RORA: variants seen among roughly 807,000 people sequenced by gnomAD.
RORA encodes the protein RAR related orphan receptor A, also known as nuclear receptor ROR-alpha.
Under a neutral mutation model 69.5 loss-of-function variants are expected in RORA, and 7 were observed. That is an observed-to-expected ratio of 0.10 (90% CI 0.06 to 0.19). RORA has a LOEUF of 0.19. Ranked by LOEUF, RORA falls within the 10% of genes least tolerant of loss-of-function variation. The probability of loss-of-function intolerance (pLI) is 1.00; values close to 1 mark genes in which losing one functional copy is unlikely to be tolerated. For synonymous variants in RORA, 261 were observed against 240.8 expected (o/e 1.08, Z -0.78); for missense variants, 457 against 663.0 (o/e 0.69, Z 3.41).
chr15:60,914,372 C>T (rs1300596591), intron 1 of RORA, among the ~76,000 whole-genome samples: 2 of 152,106 alleles, frequency 1.3e-5, no homozygotes, highest in African/African-American at 4.8e-5. Context: ...AAGTCCACCA[C>T]CATGCTTTGT....
intron 1 of RORA, among the ~76,000 whole-genome samples, chr15:60,787,196 C>CA (rs1267754106): frequency 6.6e-6 from 1 of 152,242 alleles, no homozygotes; most frequent in African/African-American, 2.4e-5. Flanking sequence ...GCCAACAGAA[C>CA]AGAAGGCCCT....
At chr15:60,703,450 A>AAC (rs2071015122) in intron 1 of RORA, among the ~76,000 whole-genome samples, 1 of 89,860 alleles carries the variant, frequency 1.1e-5, no homozygotes, top group Non-Finnish European at 3.5e-5. Flanking sequence ...CAATGAACAT[A>AAC]GAACGCACAG....
At chr15:61,032,671 C>G (rs925819000) in intron 1 of RORA, among the ~76,000 whole-genome samples, 7 of 152,114 alleles carry the variant, frequency 4.6e-5, no homozygotes, top group African/African-American at 1.4e-4. Context: ...CTAACAAATG[C>G]TTAAGAGTTT....
intron 1 of RORA, among the ~76,000 whole-genome samples, chr15:60,896,337 C>T (rs1891230572): frequency 1.3e-5 from 2 of 152,258 alleles, no homozygotes; most frequent in Non-Finnish European, 2.9e-5. Flanking sequence ...AGCTAACACA[C>T]TTGCACAACA....
At chr15:60,868,542 T>TA (rs1324452627) in intron 1 of RORA, among the ~76,000 whole-genome samples, 1 of 152,134 alleles carries the variant, frequency 6.6e-6, no homozygotes. Context: ...ATCATAGACT[T>TA]AGAGTCTTGG....
chr15:60,669,206 G>A (rs973340366), intron 2 of RORA, among the ~76,000 whole-genome samples: 43 of 152,216 alleles, frequency 2.8e-4, no homozygotes, highest in African/African-American at 1.0e-3. Context: ...TGATTTTAAT[G>A]AAATGGCAAG....
chr15:60,931,383 C>T (rs986185142), intron 1 of RORA, among the ~76,000 whole-genome samples: 2 of 152,214 alleles, frequency 1.3e-5, no homozygotes, highest in African/African-American at 4.8e-5. Flanking sequence ...CCTCTGGCTC[C>T]ATGGGGAAGC....
At chr15:60,868,802 CA>C (rs1209916298) in intron 1 of RORA, among the ~76,000 whole-genome samples, 2 of 152,088 alleles carry the variant, frequency 1.3e-5, no homozygotes, top group African/African-American at 2.4e-5. Flanking sequence ...AAGCATTTTC[CA>C]GGGGGGAAAA....
intron 1 of RORA, among the ~76,000 whole-genome samples, chr15:61,091,235 C>T (rs1324286323): frequency 1.3e-5 from 2 of 152,076 alleles, no homozygotes; most frequent in African/African-American, 2.4e-5. Flanking sequence ...AAAAATAAGC[C>T]CCTCTAAGAA....
chr15:60,943,598 C>T (rs918043249), intron 1 of RORA, among the ~76,000 whole-genome samples: 8 of 151,938 alleles, frequency 5.3e-5, no homozygotes, highest in African/African-American at 1.9e-4. Context: ...CATCTTTAAC[C>T]TCAGCCAGCT....
chr15:60,886,616 T>G (rs757746514), intron 1 of RORA, among the ~76,000 whole-genome samples: 13 of 152,326 alleles, frequency 8.5e-5, no homozygotes, highest in Non-Finnish European at 1.8e-4. Context: ...ATTTGTTTAC[T>G]CAATATAGAC....
rs2065696463 is a variant in RORA, at chr15:60,511,506, C to T, written c.540G>A (p.Glu180=). The T allele has an allele frequency of 3.1e-6, 5 of 1,614,200 alleles. No homozygotes were observed. The East Asian group carries it at 8.9e-5, about 29-fold the overall frequency. The part of the protein sequence containing the change: ...RDHQQQPGEA[E]PLTPTYNISA... ...AGATGTTGTAGGTGGGCGTCAGCGG[C>T]TCAGCCTCTCCAGGCTGCTGCTGGT... The change falls in exon 5 of 11, where the codon GAG becomes GAA. Residue 180 remains glutamate (E), a synonymous_variant. Transcript: ENST00000335670. This position sits in a 1 kb window ranked among gnomAD's most constrained non-coding sequence, Gnocchi z 6.4.
chr15:60,998,773 C>T (rs1894650913), intron 1 of RORA, among the ~76,000 whole-genome samples: 1 of 152,192 alleles, frequency 6.6e-6, no homozygotes, highest in Admixed American at 6.5e-5. Context: ...CCCAGTGTCT[C>T]TCTCAGCTTG....
chr15:60,622,402 C>G (rs897674807), intron 2 of RORA, among the ~76,000 whole-genome samples: 1 of 151,994 alleles, frequency 6.6e-6, no homozygotes, highest in African/African-American at 2.4e-5. Flanking sequence ...TGCTTGAGCT[C>G]GGGAATTTGA....
chr15:61,102,090 T>A (rs1433793158), intron 1 of RORA, among the ~76,000 whole-genome samples: 3 of 152,068 alleles, frequency 2.0e-5, no homozygotes, highest in Non-Finnish European at 4.4e-5. Context: ...AAGCTACACA[T>A]ACATTTCTCC....
intron 1 of RORA, among the ~76,000 whole-genome samples, chr15:61,153,511 C>A (rs751692805): frequency 5.9e-5 from 9 of 152,170 alleles, no homozygotes; most frequent in Non-Finnish European, 8.8e-5. Context: ...CTAACCCACT[C>A]ATAGTGCCAG....
chr15:60,857,061 A>T (rs1174178268), intron 1 of RORA, among the ~76,000 whole-genome samples: 1 of 152,184 alleles, frequency 6.6e-6, no homozygotes, highest in Non-Finnish European at 1.5e-5. Context: ...TCATTCAATA[A>T]ACGTCTAGTG....
chr15:60,490,181 T>C lies in RORA; in HGVS notation c.*7274A>G, dbSNP rs2065019261. On this transcript the variant is annotated 3_prime_UTR_variant, in exon 11 of 11. Coordinates refer to ENST00000335670, the MANE Select transcript of RORA (RefSeq NM_134261.3). The surrounding 1 kb of genome is among the most constrained non-coding windows in gnomAD (Gnocchi z 4.1). ...AGATATATATATATATGTATATATA[T>C]ACAAATATATAGTTATACTCAGTGA... 1.3e-5 allele frequency: 2 copies of C among 151,240 alleles called. No individual in the cohort carries two copies. Among genetic ancestry groups the C allele is most frequent in the African/African-American group, 2.4e-5 (1 of 41,346 alleles). 9.4% of individuals were successfully genotyped at this position (151,240 alleles called of 1,614,324 possible). A position where few individuals can be genotyped will look rare whatever the true frequency, so the allele number is the denominator to read the frequency against.
chr15:61,120,224 T>C (rs765049187), intron 1 of RORA, among the ~76,000 whole-genome samples: 1 of 152,106 alleles, frequency 6.6e-6, no homozygotes, highest in Non-Finnish European at 1.5e-5. Flanking sequence ...GCCATATACT[T>C]AAGATTTGCA....
Sources: allele counts gnomAD v4.1 joint callset (sites outside exome capture counted in the v4.1 genomes callset), GRCh38; gene constraint gnomAD v4.1.1; non-coding constraint Gnocchi (gnomAD v3.1); transcripts MANE v1.5; gene names NCBI Gene and HGNC (gene_info 2026-07-23, HGNC 2026-07-21).